TPD52: variants seen among roughly 807,000 people sequenced by gnomAD.
TPD52 encodes the protein tumor protein D52.
A neutral mutation model predicts 31.3 loss-of-function variants in TPD52; 17 were observed. The ratio of observed to expected loss-of-function variants is 0.54; its 90% CI spans 0.37 to 0.82. The LOEUF (loss-of-function observed/expected upper bound fraction) is 0.82, where lower values mean the gene tolerates loss of function less well. Among genes scored for constraint, TPD52 ranks in the 40% least tolerant of loss-of-function variants. The pLI, the probability that TPD52 is intolerant of heterozygous loss-of-function variation, is 0.00. For missense variants in TPD52, 212 were observed against 240.1 expected (o/e 0.88, Z 0.77); for synonymous variants, 83 against 89.6 (o/e 0.93, Z 0.42).
intron 1 of TPD52, among the ~76,000 whole-genome samples, chr8:80,077,173 GC>G (rs1203350994): frequency 6.6e-6 from 1 of 151,856 alleles, no homozygotes; most frequent in Non-Finnish European, 1.5e-5. Context: ...TATTTGGGAG[GC>G]TGAGGCAGAA....
chr8:80,162,976 C>G (rs1040296317), intron 1 of TPD52, among the ~76,000 whole-genome samples: 2 of 151,496 alleles, frequency 1.3e-5, no homozygotes, highest in African/African-American at 4.9e-5. Context: ...CGGGAAATAA[C>G]GAGTGTTGAT....
chr8:80,081,534 A>G (rs1292362588), intron 1 of TPD52, among the ~76,000 whole-genome samples: 1 of 152,192 alleles, frequency 6.6e-6, no homozygotes, highest in Non-Finnish European at 1.5e-5. Flanking sequence ...AACAAAAAAA[A>G]AGGCAGTGTT....
intron 1 of TPD52, among the ~76,000 whole-genome samples, chr8:80,099,019 T>C (rs1563624760): frequency 6.6e-6 from 1 of 151,636 alleles, no homozygotes; most frequent in Non-Finnish European, 1.5e-5. Flanking sequence ...AAGTGCACAA[T>C]TTTGTTTTGT....
At chr8:80,061,790 C>T (rs1342945696) in intron 2 of TPD52, among the ~76,000 whole-genome samples, 2 of 151,904 alleles carry the variant, frequency 1.3e-5, no homozygotes, top group Non-Finnish European at 2.9e-5. Flanking sequence ...CAATAAACCA[C>T]CTGAAAAGAA....
At chr8:80,092,627 G>A (rs753583726) in intron 1 of TPD52, among the ~76,000 whole-genome samples, 2 of 152,148 alleles carry the variant, frequency 1.3e-5, no homozygotes, top group Non-Finnish European at 2.9e-5. Flanking sequence ...CAACATGGGT[G>A]GAACTAGAGG....
At chr8:80,132,971 T>C (rs1268006619) in intron 1 of TPD52, among the ~76,000 whole-genome samples, 1 of 152,172 alleles carries the variant, frequency 6.6e-6, no homozygotes, top group African/African-American at 2.4e-5. Flanking sequence ...TACTTGCTAG[T>C]TCTCTATCAG....
intron 5 of TPD52, among the ~76,000 whole-genome samples, chr8:80,048,481 G>A (rs1297475568): frequency 6.6e-6 from 1 of 152,200 alleles, no homozygotes; most frequent in African/African-American, 2.4e-5. Context: ...CTACTTCATA[G>A]CACTTAGCAA....
At chr8:80,152,898 C>A (rs190348617) in intron 1 of TPD52, among the ~76,000 whole-genome samples, 332 of 151,762 alleles carry the variant, frequency 2.2e-3, no homozygotes, top group Non-Finnish European at 3.5e-3. Context: ...TGATTAAGAA[C>A]CTGAATATCA....
At chr8:80,085,263 AT>A (rs1372186238) in intron 1 of TPD52, among the ~76,000 whole-genome samples, 8 of 152,230 alleles carry the variant, frequency 5.3e-5, no homozygotes, top group African/African-American at 1.9e-4. Flanking sequence ...TAAAGTGCGT[AT>A]GTACTGCAGG....
Position 80,151,022 on chromosome 8 carries a change from C to T in TPD52, c.19+20403G>A, listed in dbSNP as rs183829861. On this transcript the variant is annotated intron_variant, in intron 1 of 7. Coordinates refer to ENST00000518937, the MANE Select transcript of TPD52 (RefSeq NM_001025253.3). The stretch of plus-strand genomic sequence containing the variant: ...CCAAATCTCATCTTGAATTGTAGCT[C>T]CCATAATTCCCATGTGTCGTGGGAG... Among the ~76,000 whole-genome samples, 433 of 152,222 alleles carry T rather than the reference C, an allele frequency of 2.8e-3. 3 individuals carry two copies. Among genetic ancestry groups the T allele is most frequent in the Non-Finnish European group, 4.7e-3 (323 of 68,014 alleles).
intron 1 of TPD52, among the ~76,000 whole-genome samples, chr8:80,142,795 AG>A (rs1208394730): frequency 2.0e-5 from 3 of 152,194 alleles, no homozygotes; most frequent in Non-Finnish European, 4.4e-5. Context: ...AAAAGAGAAT[AG>A]GGAAGGAGGA....
intron 5 of TPD52, among the ~76,000 whole-genome samples, chr8:80,044,977 G>T (rs376550006): frequency 3.9e-5 from 6 of 152,058 alleles, no homozygotes; most frequent in East Asian, 3.8e-4. Context: ...TTCAATGTAG[G>T]TCCTCAAATC....
chr8:80,117,093 A>T (rs28838982), intron 1 of TPD52, among the ~76,000 whole-genome samples: 25,021 of 152,162 alleles, frequency 0.16, 3,326 homozygotes, highest in African/African-American at 0.36. Context: ...CAGGAACAGA[A>T]AGGGTATTTG....
At chr8:80,156,559 TTTC>T (rs1300740373) in intron 1 of TPD52, among the ~76,000 whole-genome samples, 1 of 152,128 alleles carries the variant, frequency 6.6e-6, no homozygotes, top group African/African-American at 2.4e-5. Context: ...GACATATGGA[TTTC>T]TAAGAGAAAG....
At chr8:80,060,156 A>AG (rs1250951908) in intron 2 of TPD52, among the ~76,000 whole-genome samples, 3 of 151,686 alleles carry the variant, frequency 2.0e-5, no homozygotes, top group Admixed American at 6.6e-5. Context: ...AAAAAAAAAA[A>AG]AGAGAGAGAA....
At chr8:80,095,807 G>A (rs1168917366) in intron 1 of TPD52, among the ~76,000 whole-genome samples, 1 of 152,208 alleles carries the variant, frequency 6.6e-6, no homozygotes, top group East Asian at 1.9e-4. Context: ...AATTAGCTGA[G>A]TGTAGCGGCA....
intron 1 of TPD52, among the ~76,000 whole-genome samples, chr8:80,129,638 T>C (rs1808876475): frequency 6.6e-6 from 1 of 152,140 alleles, no homozygotes; most frequent in Admixed American, 6.6e-5. Flanking sequence ...TTCACTGACT[T>C]TAGCAATTAG....
intron 2 of TPD52, 21 bp from the exon 3 acceptor site, chr8:80,053,451 G>A (rs750083376): frequency 1.9e-6 from 3 of 1,609,948 alleles, no homozygotes; most frequent in African/African-American, 1.3e-5. Flanking sequence ...GGGGTTTGGG[G>A]TAAGAATATA....
intron 1 of TPD52, among the ~76,000 whole-genome samples, chr8:80,076,562 G>T (rs986156344): frequency 6.6e-6 from 1 of 152,154 alleles, no homozygotes; most frequent in Non-Finnish European, 1.5e-5. Context: ...TCACTACTGT[G>T]TATCAGGTTT....
Sources: gnomAD v4.1 joint callset for allele counts (sites outside exome capture counted in the v4.1 genomes callset) on GRCh38, gnomAD v4.1.1 for gene constraint, MANE v1.5 for transcripts, NCBI Gene and HGNC (gene_info 2026-07-23, HGNC 2026-07-21) for gene names.